The following ASB7 variants were observed in gnomAD, a reference collection of about 807,000 sequenced individuals.
The protein encoded by ASB7 is ankyrin repeat and SOCS box protein 7.
ASB7 carries 4 observed loss-of-function variants against 32.5 expected under a neutral mutation model. The ratio of observed to expected loss-of-function variants is 0.12; its 90% CI spans 0.06 to 0.28. ASB7 has a LOEUF of 0.28. Among genes scored for constraint, ASB7 ranks in the 10% least tolerant of loss-of-function variants. The pLI is 1.00. For missense variants in ASB7, 181 were observed against 407.1 expected (o/e 0.44, Z 4.78); for synonymous variants, 172 against 155.6 (o/e 1.11, Z -0.78).
rs375990764 is a variant in ASB7, at chr15:100,643,954, A to G, written c.818-4369A>G. Reference sequence around the variant, plus strand: ...ATATGTTATGGTGGTTCTTTTTATTAATATTAAAAAGGGCCTGGCATGGCG... The same window carrying G: ...ATATGTTATGGTGGTTCTTTTTATTGATATTAAAAAGGGCCTGGCATGGCG... On this transcript the variant is annotated intron_variant, in intron 5 of 5. Coordinates refer to ENST00000332783, the MANE Select transcript of ASB7 (RefSeq NM_198243.3). Among the ~76,000 whole-genome samples the G allele has an allele frequency of 3.9e-5, 6 of 152,082 alleles. No individual in the cohort carries two copies. The East Asian group carries it at 1.2e-3, about 29-fold the overall frequency.
Position 100,629,839 on chromosome 15 carries a change from A to G in ASB7, c.614A>G (p.Asp205Gly). The G allele has an allele frequency of 6.2e-7, 1 of 1,614,244 alleles. No individual in the cohort carries two copies. The highest frequency in any genetic ancestry group is 8.5e-7 in the Non-Finnish European group (1 of 1,180,044). ...CGAATGTTCCTTCAGAGAGGGGCAG[A>G]CACAAACTTGGGTCGCTTAGAAGAC... is the stretch of plus-strand genomic sequence containing the variant. ...YCRMFLQRGA[D>G]TNLGRLEDGQ... The change falls in exon 5 of 6, where the codon GAC becomes GGC. Residue 205 changes from aspartate (D) to glycine (G), a missense_variant. Transcript: ENST00000332783. This position sits in a 1 kb window ranked among gnomAD's most constrained non-coding sequence, Gnocchi z 6.8.
Position 100,629,468 on chromosome 15 carries a change from C to G in ASB7, c.243C>G (p.Gly81=). ...ADPTVKDLIG[G]FTALHYAAMH... ...CTACAGTTAAAGACTTAATCGGAGG[C>G]TTCACGGCTCTTCACTATGCAGCCA... is the stretch of plus-strand genomic sequence containing the variant. Residue 81 remains glycine, a synonymous_variant, in exon 5 of 6, where the codon GGC becomes GGG. Coordinates refer to ENST00000332783, the MANE Select transcript of ASB7 (RefSeq NM_198243.3). The surrounding 1 kb of genome is among the most constrained non-coding windows in gnomAD (Gnocchi z 6.8). 2 of 1,613,868 alleles carry G rather than the reference C, an allele frequency of 1.2e-6. No homozygotes were observed. Among genetic ancestry groups the G allele is most frequent in the Non-Finnish European group, 1.7e-6 (2 of 1,179,762 alleles).
At chr15:100,637,257 G>A (rs1277311625) in intron 5 of ASB7, among the ~76,000 whole-genome samples, 9 of 152,196 alleles carry the variant, frequency 5.9e-5, no homozygotes, top group East Asian at 1.9e-4. Context: ...AACTCTAGCC[G>A]TTTAGTCCTG....
At chr15:100,641,814 A>G (rs1186278838) in intron 5 of ASB7, among the ~76,000 whole-genome samples, 1 of 152,256 alleles carries the variant, frequency 6.6e-6, no homozygotes, top group African/African-American at 2.4e-5. Context: ...GGTACTTAGT[A>G]TGTGCTTGGC....
At chr15:100,626,038 A>G (rs965261298) in intron 4 of ASB7, among the ~76,000 whole-genome samples, 1 of 152,208 alleles carries the variant, frequency 6.6e-6, no homozygotes, top group East Asian at 1.9e-4. Context: ...TGTGAGAGTT[A>G]AAAGTGCAAA....
intron 5 of ASB7, among the ~76,000 whole-genome samples, chr15:100,641,509 T>C (rs1009627040): frequency 3.3e-5 from 5 of 152,160 alleles, no homozygotes; most frequent in African/African-American, 9.7e-5. Context: ...GGAGAAACAG[T>C]GTAGTGATAT....
intron 5 of ASB7, among the ~76,000 whole-genome samples, chr15:100,640,795 A>G (rs2039955759): frequency 1.3e-5 from 2 of 152,132 alleles, no homozygotes; most frequent in Non-Finnish European, 2.9e-5. Flanking sequence ...AGGATATTTA[A>G]TTTTCTAAAT....
At chr15:100,642,334 A>G (rs1295788053) in intron 5 of ASB7, among the ~76,000 whole-genome samples, 1 of 152,218 alleles carries the variant, frequency 6.6e-6, no homozygotes, top group African/African-American at 2.4e-5. Context: ...AGTGATACTT[A>G]ACGGTATTCT....
chr15:100,630,145 C>A, intron 5 of ASB7, 103 bp downstream of exon 5: 1 of 1,397,370 alleles, frequency 7.2e-7, no homozygotes, highest in African/African-American at 1.5e-5. Flanking sequence ...ATTAATCATT[C>A]CTATAACCAC....
intron 5 of ASB7, chr15:100,645,829 C>A: frequency 8.0e-7 from 1 of 1,242,344 alleles, no homozygotes; most frequent in South Asian, 1.2e-5. Flanking sequence ...CGCGACATCC[C>A]ACACGCTAAT....
At chr15:100,633,928 G>A (rs1055585236) in intron 5 of ASB7, among the ~76,000 whole-genome samples, 1 of 152,206 alleles carries the variant, frequency 6.6e-6, no homozygotes, top group Non-Finnish European at 1.5e-5. Context: ...GGAGGCTCTG[G>A]CATGTGGGCA....
At chr15:100,646,629 G>T (rs6598370) in intron 5 of ASB7, 48,806 of 293,126 alleles carry the variant, frequency 0.17, 3,937 homozygotes, top group South Asian at 0.22. Flanking sequence ...TGTGATCAGT[G>T]TAGAAGCTTG....
intron 5 of ASB7, among the ~76,000 whole-genome samples, chr15:100,633,901 A>G (rs2039903607): frequency 6.6e-6 from 1 of 152,216 alleles, no homozygotes; most frequent in Admixed American, 6.5e-5. Flanking sequence ...ACACCACTCC[A>G]GAACTAAGAG....
intron 5 of ASB7, among the ~76,000 whole-genome samples, chr15:100,640,837 C>A (rs925248955): frequency 1.3e-5 from 2 of 152,182 alleles, no homozygotes; most frequent in Non-Finnish European, 2.9e-5. Context: ...GTAATTTACG[C>A]TAGACCCTTC....
chr15:100,635,285 T>G (rs996515490), intron 5 of ASB7, among the ~76,000 whole-genome samples: 2 of 152,224 alleles, frequency 1.3e-5, no homozygotes, highest in African/African-American at 4.8e-5. Context: ...AATTAATGGT[T>G]GTTTTAAATT....
Position 100,602,961 on chromosome 15 carries a change from C to T in ASB7, c.-358C>T, listed in dbSNP as rs2039568333. 1 of 399,044 alleles carries T rather than the reference C, an allele frequency of 2.5e-6. No individual in the cohort carries two copies. Among genetic ancestry groups the T allele is most frequent in the South Asian group, 1.3e-4 (1 of 7,880 alleles). The allele number at this position is 399,044 out of a possible 1,614,324, so 24.7% of individuals were successfully genotyped here. ...AGGATCAGGAACACCAGGGTCCGGC[C>T]CTGCCTGGGGTATTTCTTCAATGGA... On this transcript the variant is annotated 5_prime_UTR_variant, in exon 1 of 6. Transcript: ENST00000332783.
In ASB7 at chr15:100,602,845, T is replaced by C; in HGVS notation, c.-474T>C. 1 of 392,662 alleles carries C rather than the reference T, an allele frequency of 2.5e-6. No individual in the cohort carries two copies. Among genetic ancestry groups the C allele is most frequent in the East Asian group, 3.6e-5 (1 of 27,692 alleles). 24.3% of individuals were successfully genotyped at this position (392,662 alleles called of 1,614,324 possible). ...CTTCCTCCCTGCCTCCCTGCACCTCTGCCCCAAGGCTGCCCGGCGGCCGGG... is the reference window on the plus strand; with the variant it reads ...CTTCCTCCCTGCCTCCCTGCACCTCCGCCCCAAGGCTGCCCGGCGGCCGGG... On this transcript the variant is annotated 5_prime_UTR_variant, in exon 1 of 6. Transcript: ENST00000332783.
At chr15:100,623,488 C>T (rs2141396040) in intron 4 of ASB7, among the ~76,000 whole-genome samples, 1 of 152,308 alleles carries the variant, frequency 6.6e-6, no homozygotes. Context: ...TGAAAAATTG[C>T]TCAACATCAT....
intron 2 of ASB7, among the ~76,000 whole-genome samples, chr15:100,607,500 C>G (rs1326745914): frequency 1.3e-5 from 2 of 152,186 alleles, no homozygotes; most frequent in African/African-American, 2.4e-5. Context: ...GTGTAGCTGA[C>G]AGGGATCATG....
Sources: gnomAD v4.1 joint callset for allele counts (sites outside exome capture counted in the v4.1 genomes callset) on GRCh38, gnomAD v4.1.1 for gene constraint, Gnocchi (gnomAD v3.1) non-coding constraint, MANE v1.5 for transcripts, NCBI Gene and HGNC (gene_info 2026-07-23, HGNC 2026-07-21) for gene names.